Variants in G3BP2 observed in about 807,000 individuals in gnomAD.
The protein encoded by G3BP2 is G3BP stress granule assembly factor 2.
A neutral mutation model predicts 56.7 loss-of-function variants in G3BP2; 11 were observed. That is an observed-to-expected ratio of 0.19 (90% CI 0.12 to 0.32). The LOEUF is 0.32. Ranked by LOEUF, G3BP2 falls within the 10% of genes least tolerant of loss-of-function variation. G3BP2 has a pLI of 1.00. For synonymous variants in G3BP2, 165 were observed against 191.6 expected (o/e 0.86, Z 1.15); for missense variants, 340 against 610.9 (o/e 0.56, Z 4.67).
intron 2 of G3BP2, 139 bp downstream of exon 2, chr4:75,661,792 G>A: frequency 1.8e-6 from 1 of 564,222 alleles, no homozygotes; most frequent in Non-Finnish European, 3.2e-6. Context: ...GCCATCAAAT[G>A]AATAAAATAT....
chr4:75,662,846 G>C lies in G3BP2; in HGVS notation c.-24-797C>G, dbSNP rs141330205. 7.9e-5 allele frequency among the ~76,000 whole-genome samples: 12 copies of C among 152,272 alleles called. No homozygotes were observed. The South Asian group carries it at 2.3e-3, about 29-fold the overall frequency. On this transcript the variant is annotated intron_variant, in intron 1 of 11. Transcript: ENST00000359707. ...CTGGATTCCAGTGGTTTTATCCTAG[G>C]AAGCAAGACAGAGGGCCCAAGTTAA...
intron 3 of G3BP2, among the ~76,000 whole-genome samples, chr4:75,697,569 CA>C (rs1322265565): frequency 6.6e-6 from 1 of 151,878 alleles, no homozygotes; most frequent in East Asian, 1.9e-4. Context: ...ATAAACTGGG[CA>C]AAATATGCAA....
chr4:75,676,621 C>G (rs1354556833), upstream of G3BP2, among the ~76,000 whole-genome samples: 1 of 152,062 alleles, frequency 6.6e-6, no homozygotes, highest in Non-Finnish European at 1.5e-5. Context: ...ATTTCTGTTC[C>G]CTCTACCTTC....
intron 5 of G3BP2, 143 bp from the exon 6 acceptor site, chr4:75,656,013 T>G (rs1037302883): frequency 1.8e-6 from 1 of 570,322 alleles, no homozygotes; most frequent in East Asian, 3.0e-5. Flanking sequence ...TTTTTTGAGA[T>G]GGAGTCTTGT....
rs185177516 is a variant in G3BP2 at position 75,659,519 on chromosome 4, C to T, written c.96-595G>A. On this transcript the variant is annotated intron_variant, in intron 2 of 11. Coordinates refer to ENST00000359707, the MANE Select transcript of G3BP2 (RefSeq NM_203505.3). ...TATGTGTAAATTAGTCTTTTATTGG[C>T]ATTATCCAAAGCAATTAGAATTAAC... is the stretch of plus-strand genomic sequence containing the variant. Among the ~76,000 whole-genome samples the T allele has an allele frequency of 9.9e-5, 15 of 152,276 alleles. No homozygotes were observed. In the East Asian group the frequency reaches 2.5e-3, roughly 25 times the overall value.
intron 3 of G3BP2, among the ~76,000 whole-genome samples, chr4:75,689,092 G>C (rs963077019): frequency 6.6e-6 from 1 of 151,968 alleles, no homozygotes; most frequent in African/African-American, 2.4e-5. Flanking sequence ...ATTATAAGCA[G>C]TTTCCAAAGG....
intron 3 of G3BP2, among the ~76,000 whole-genome samples, chr4:75,720,836 T>TAAAAAAAA: frequency 7.7e-6 from 1 of 130,468 alleles, no homozygotes; most frequent in East Asian, 2.0e-4. Context: ...AATAAATAAA[T>TAAAAAAAA]AAATAAAAAT....
intron 3 of G3BP2, among the ~76,000 whole-genome samples, chr4:75,715,387 C>G (rs895789928): frequency 1.3e-5 from 2 of 152,218 alleles, no homozygotes; most frequent in Non-Finnish European, 2.9e-5. Flanking sequence ...TTGGATCTCT[C>G]TCACACTCGA....
chr4:75,657,298 G>A (rs1387032386), intron 4 of G3BP2, among the ~76,000 whole-genome samples: 1 of 152,156 alleles, frequency 6.6e-6, no homozygotes, highest in Non-Finnish European at 1.5e-5. Flanking sequence ...GTTTTCAAAT[G>A]TAACCTTTCA....
rs373127691 is a variant in G3BP2 at position 75,661,781 on chromosome 4, T to C, written c.95+150A>G. On this transcript the variant is annotated intron_variant, in intron 2 of 11. Coordinates refer to ENST00000359707, the MANE Select transcript of G3BP2 (RefSeq NM_203505.3). Reference sequence around the variant, plus strand: ...GTGAGTTGCAGTTAAAAACACTTTTTGCCATCAAATGAATAAAATATTGAA... The same window carrying C: ...GTGAGTTGCAGTTAAAAACACTTTTCGCCATCAAATGAATAAAATATTGAA... The C allele has an allele frequency of 4.1e-5, 23 of 563,900 alleles. No homozygotes were observed. In the African/African-American group the frequency reaches 4.2e-4, roughly 10 times the overall value. The allele number at this position is 563,900 out of a possible 1,614,324, so 34.9% of individuals were successfully genotyped here.
chr4:75,648,504 G>A (rs13129043), intron 9 of G3BP2, 135 bp downstream of exon 9: 166,095 of 471,936 alleles, frequency 0.35, 32,119 homozygotes, highest in African/African-American at 0.5. Context: ...TTAGCAGGTT[G>A]CTCACATCAC....
At chr4:75,673,691 C>CA, upstream of G3BP2, 1 of 1,131,182 alleles carries the variant, frequency 8.8e-7, no homozygotes, top group Non-Finnish European at 1.1e-6. Context: ...CCAGCCTTGC[C>CA]GCCCTTCTTC....
intron 3 of G3BP2, among the ~76,000 whole-genome samples, chr4:75,687,941 A>C (rs181270446): frequency 4.6e-5 from 7 of 152,358 alleles, no homozygotes; most frequent in Admixed American, 1.3e-4. Context: ...TTAAGTTAAA[A>C]ATGCTATATA....
chr4:75,704,901 A>G (rs890769319), intron 3 of G3BP2, among the ~76,000 whole-genome samples: 3 of 152,144 alleles, frequency 2.0e-5, no homozygotes, highest in Non-Finnish European at 4.4e-5. Context: ...CCAAAGTGCT[A>G]GGATTACAGG....
intron 3 of G3BP2, among the ~76,000 whole-genome samples, chr4:75,658,631 G>A (rs926057556): frequency 6.6e-6 from 1 of 151,750 alleles, no homozygotes; most frequent in Non-Finnish European, 1.5e-5. Context: ...GGAGGCTGAG[G>A]CAGGAGAACT....
At chr4:75,705,248 G>T (rs17000764) in intron 3 of G3BP2, among the ~76,000 whole-genome samples, 112 of 152,298 alleles carry the variant, frequency 7.4e-4, no homozygotes, top group African/African-American at 2.6e-3. Flanking sequence ...CCTCAGAGAT[G>T]CAGATAGCCC....
chr4:75,720,991 A>T (rs1484368711), intron 2 of G3BP2, among the ~76,000 whole-genome samples: 1 of 147,046 alleles, frequency 6.8e-6, no homozygotes, highest in Non-Finnish European at 1.5e-5. Context: ...AAAAAAAAAA[A>T]AAAATTAGCC....
At chr4:75,656,674 C>G (rs1732142768) in intron 5 of G3BP2, among the ~76,000 whole-genome samples, 1 of 152,172 alleles carries the variant, frequency 6.6e-6, no homozygotes, top group Admixed American at 6.5e-5. Context: ...CTCCAATAGG[C>G]ACCAAACTTG....
intron 1 of G3BP2, among the ~76,000 whole-genome samples, chr4:75,665,917 A>G (rs1054661096): frequency 6.6e-6 from 1 of 152,354 alleles, no homozygotes; most frequent in Non-Finnish European, 1.5e-5. Flanking sequence ...AAATACTATT[A>G]GGAATTTCCG....
Sources: gnomAD v4.1 joint callset for allele counts (sites outside exome capture counted in the v4.1 genomes callset) on GRCh38, gnomAD v4.1.1 for gene constraint, MANE v1.5 for transcripts, NCBI Gene and HGNC (gene_info 2026-07-23, HGNC 2026-07-21) for gene names.